Variants in MSANTD2 observed in about 807,000 individuals in gnomAD.
MSANTD2 encodes myb/SANT-like DNA-binding domain-containing protein 2.
MSANTD2 carries 19 observed loss-of-function variants against 52.6 expected under a neutral mutation model. The ratio of observed to expected loss-of-function variants is 0.36; its 90% CI spans 0.25 to 0.53. MSANTD2 has a LOEUF of 0.53. Ranked by LOEUF, MSANTD2 falls within the 20% of genes least tolerant of loss-of-function variation. The pLI is 0.91. For missense variants in MSANTD2, 558 were observed against 716.3 expected, an observed-to-expected ratio of 0.78 and a Z score of 2.52; for synonymous variants, 291 against 289.7, an observed-to-expected ratio of 1.00 and a Z score of -0.04.
Position 124,774,274 on chromosome 11 carries a change from G to A in MSANTD2, c.766+445C>T, listed in dbSNP as rs1302759367. On this transcript the variant is annotated intron_variant, in intron 2 of 3. Transcript: ENST00000374979. This position sits in a 1 kb window ranked among gnomAD's most constrained non-coding sequence, Gnocchi z 5.1. Reference sequence around the variant, plus strand: ...CAAATCATAAACAGAAAAGAAAAATGTATTTGGGATAAAAGAAGGAATTCC... The same window carrying A: ...CAAATCATAAACAGAAAAGAAAAATATATTTGGGATAAAAGAAGGAATTCC... 6.6e-6 allele frequency among the ~76,000 whole-genome samples: 1 copy of A among 152,198 alleles called. No homozygotes were observed. Among genetic ancestry groups the A allele is most frequent in the African/African-American group, 2.4e-5 (1 of 41,448 alleles).
intron 3 of MSANTD2, 33 bp from the exon 4 acceptor site, chr11:124,768,061 G>T: frequency 6.4e-7 from 1 of 1,574,472 alleles, no homozygotes; most frequent in South Asian, 1.2e-5. Flanking sequence ...AATTCCCTAA[G>T]TATCTAGAAC....
rs1221974518 is a variant in MSANTD2 at position 124,774,653 on chromosome 11, G to A, written c.766+66C>T. 3 of 1,482,326 alleles carry A rather than the reference G, an allele frequency of 2.0e-6. No individual in the cohort carries two copies. Among genetic ancestry groups the A allele is most frequent in the African/African-American group, 1.4e-5 (1 of 72,402 alleles). The allele number at this position is 1,482,326 out of a possible 1,614,324, so 91.8% of individuals were successfully genotyped here. A position where few individuals can be genotyped will look rare whatever the true frequency, so the allele number is the denominator to read the frequency against. The stretch of plus-strand genomic sequence containing the variant: ...AAGATATTTACAGGTAATAAGTACT[G>A]GTGCACATACATAAAGGTATATAAA... On this transcript the variant is annotated intron_variant, in intron 2 of 3. Transcript: ENST00000374979. The surrounding 1 kb of genome is among the most constrained non-coding windows in gnomAD (Gnocchi z 5.1).
rs57859579 is a variant in MSANTD2, at chr11:124,772,742, C to CAA, written c.827+250_827+251dup. On this transcript the variant is annotated intron_variant, in intron 3 of 3. Coordinates refer to ENST00000374979, the MANE Select transcript of MSANTD2 (RefSeq NM_001308027.2). The stretch of plus-strand genomic sequence containing the variant: ...ACAGAGCGAGAGCGAGATTCCGTCT[C>CAA]AAAAAAAAAAAAAAAAAAAAAAAAA... Among the ~76,000 whole-genome samples, 232 of 57,886 alleles carry CAA rather than the reference C, an allele frequency of 4.0e-3. 13 individuals are homozygous for CAA. The highest frequency in any genetic ancestry group is 0.015 in the Middle Eastern group (1 of 66). 38.0% of individuals were successfully genotyped at this position (57,886 alleles called of 152,430 possible). A position where few individuals can be genotyped will look rare whatever the true frequency, so the allele number is the denominator to read the frequency against.
chr11:124,780,051 C>T (rs1338770434), intron 1 of MSANTD2, among the ~76,000 whole-genome samples: 10 of 152,148 alleles, frequency 6.6e-5, no homozygotes, highest in South Asian at 4.1e-4. Flanking sequence ...ATTGAGGCAA[C>T]GAAACACCAT....
chr11:124,793,982 C>T (rs1423828029), intron 1 of MSANTD2, among the ~76,000 whole-genome samples: 3 of 152,200 alleles, frequency 2.0e-5, no homozygotes, highest in African/African-American at 7.2e-5. Flanking sequence ...GTAGCCACTA[C>T]TCACATATGC....
intron 1 of MSANTD2, chr11:124,784,590 G>C (rs6590098): frequency 8.1e-6 from 8 of 985,140 alleles, no homozygotes; most frequent in Non-Finnish European, 8.4e-6. Flanking sequence ...GTTTAAAAGG[G>C]AGACTGTGCA....
intron 1 of MSANTD2, among the ~76,000 whole-genome samples, chr11:124,797,642 G>C (rs955206494): frequency 6.6e-6 from 1 of 152,128 alleles, no homozygotes; most frequent in Non-Finnish European, 1.5e-5. Context: ...AAAAAGTCTG[G>C]GTTCTTTGAT....
chr11:124,800,229 C>G lies in MSANTD2; in HGVS notation c.152G>C (p.Gly51Ala). 2 of 1,525,126 alleles carry G rather than the reference C, an allele frequency of 1.3e-6. No individual in the cohort carries two copies. The highest frequency in any genetic ancestry group is 1.8e-6 in the Non-Finnish European group (2 of 1,139,898). 94.5% of individuals were successfully genotyped at this position (1,525,126 alleles called of 1,614,324 possible). A position where few individuals can be genotyped will look rare whatever the true frequency, so the allele number is the denominator to read the frequency against. ...CCCCGAGCCCGCCGCACTGCCCGGC[C>G]CGAGCGGGGAGGCACCCCGAGGCGT... The part of the protein sequence containing the change: ...PSTPRGASPL[G>A]PGSAAGSGAA... Residue 51 changes from glycine (G) to alanine (A), a missense_variant, in exon 1 of 4, where the codon GGG becomes GCG. Transcript: ENST00000374979. The surrounding 1 kb of genome is among the most constrained non-coding windows in gnomAD (Gnocchi z 4.3).
intron 1 of MSANTD2, among the ~76,000 whole-genome samples, chr11:124,786,264 G>A (rs542137780): frequency 9.9e-5 from 15 of 151,966 alleles, no homozygotes; most frequent in African/African-American, 2.9e-4. Flanking sequence ...GCACCACCAC[G>A]CCAAGCTGGC....
At chr11:124,799,340 G>A (rs1256648550) in intron 1 of MSANTD2, among the ~76,000 whole-genome samples, 1 of 152,244 alleles carries the variant, frequency 6.6e-6, no homozygotes, top group African/African-American at 2.4e-5. Context: ...GTCCTTCGTA[G>A]CTCAAGATAG....
intron 1 of MSANTD2, chr11:124,783,982 C>A (rs77054502): frequency 1.0e-6 from 1 of 985,198 alleles, no homozygotes; most frequent in East Asian, 1.1e-4. Context: ...CTTTAGGGTA[C>A]AAGAATCCTT....
chr11:124,792,148 T>C (rs545183359), intron 1 of MSANTD2: 9 of 154,342 alleles, frequency 5.8e-5, no homozygotes, highest in African/African-American at 2.2e-4. Flanking sequence ...CTTTCCAGTA[T>C]ACAAATTAAG....
intron 1 of MSANTD2, among the ~76,000 whole-genome samples, chr11:124,782,802 A>AG (rs1945026548): frequency 6.6e-6 from 1 of 152,222 alleles, no homozygotes. Context: ...AATCACTAGC[A>AG]AGAGGATAAA....
chr11:124,775,637 C>T (rs539205074), intron 1 of MSANTD2: 6 of 152,382 alleles, frequency 3.9e-5, no homozygotes, highest in African/African-American at 1.4e-4. Flanking sequence ...CTAATACCTA[C>T]GTCTAAAGCT....
chr11:124,773,229 G>T, intron 2 of MSANTD2, 175 bp from the exon 3 acceptor site: 1 of 493,260 alleles, frequency 2.0e-6, no homozygotes, highest in Non-Finnish European at 3.6e-6. Context: ...ATAATGAGAT[G>T]CATACATTTA....
At chr11:124,770,581 G>A (rs1256409664) in intron 3 of MSANTD2, among the ~76,000 whole-genome samples, 1 of 152,044 alleles carries the variant, frequency 6.6e-6, no homozygotes, top group African/African-American at 2.4e-5. Flanking sequence ...TTACAGACAT[G>A]AGCCACCGCG....
chr11:124,774,632 T>C lies in MSANTD2; in HGVS notation c.766+87A>G, dbSNP rs1264180764. The C allele has an allele frequency of 6.7e-6, 9 of 1,341,712 alleles. 2 individuals are homozygous for C. The highest frequency in any genetic ancestry group is 5.2e-4 in the Middle Eastern group (2 of 3,872). 83.1% of individuals were successfully genotyped at this position (1,341,712 alleles called of 1,614,324 possible). The stretch of plus-strand genomic sequence containing the variant: ...CCACTATAGGGAACAGTACCAAAGA[T>C]ATTTACAGGTAATAAGTACTGGTGC... On this transcript the variant is annotated intron_variant, in intron 2 of 3. Transcript: ENST00000374979. This position sits in a 1 kb window ranked among gnomAD's most constrained non-coding sequence, Gnocchi z 5.1.
chr11:124,800,264 G>A lies in MSANTD2; in HGVS notation c.117C>T (p.Ser39=). The stretch of plus-strand genomic sequence containing the variant: ...AGGCACCCCGAGGCGTGGAAGGGTC[G>A]GACAGCGATGGATTTCCGTCGCTCA... ...GGLSDGNPSL[S]DPSTPRGASP... is the part of the protein sequence containing the mutation. Residue 39 remains serine, a synonymous_variant, in exon 1 of 4, where the codon TCC becomes TCT. Coordinates refer to ENST00000374979, the MANE Select transcript of MSANTD2 (RefSeq NM_001308027.2). The surrounding 1 kb of genome is among the most constrained non-coding windows in gnomAD (Gnocchi z 4.3). 7.7e-6 allele frequency: 12 copies of A among 1,567,330 alleles called. No individual in the cohort carries two copies. The highest frequency in any genetic ancestry group is 1.4e-5 in the African/African-American group (1 of 70,834).
intron 1 of MSANTD2, chr11:124,791,470 C>G: frequency 8.8e-7 from 1 of 1,131,498 alleles, no homozygotes. Context: ...ACTGGGAGGT[C>G]AGGCGAGTCA....
Sources: gnomAD v4.1 joint callset for allele counts (sites outside exome capture counted in the v4.1 genomes callset) on GRCh38, gnomAD v4.1.1 for gene constraint, Gnocchi (gnomAD v3.1) non-coding constraint, MANE v1.5 for transcripts, NCBI Gene and HGNC (gene_info 2026-07-23, HGNC 2026-07-21) for gene names.